Variants in SLC26A1 observed in about 807,000 individuals in gnomAD.
The protein encoded by SLC26A1 is solute carrier family 26 member 1.
SLC26A1 carries 18 observed loss-of-function variants against 14.5 expected under a neutral mutation model. The observed-to-expected ratio is 1.24, with a 90% CI of 0.86 to 1.84. The LOEUF (loss-of-function observed/expected upper bound fraction) is 1.84, where lower values mean the gene tolerates loss of function less well. SLC26A1 is among the 40% of genes most tolerant of loss of function. The pLI, the probability that SLC26A1 is intolerant of heterozygous loss-of-function variation, is 0.00. For synonymous variants in SLC26A1, 505 were observed against 492.0 expected (o/e 1.03, Z -0.35); for missense variants, 1,049 against 1,020.0 (o/e 1.03, Z -0.39).
rs375317028 is a variant in SLC26A1 at position 989,027 on chromosome 4, C to T, written c.1912G>A (p.Gly638Arg). 47 of 1,584,154 alleles carry T rather than the reference C, an allele frequency of 3.0e-5. No individual in the cohort carries two copies. The highest frequency in any genetic ancestry group is 2.1e-4 in the East Asian group (9 of 42,952). The stretch of plus-strand genomic sequence containing the variant: ...AGCAGCAGGCTGATGCCCAGGGCCC[C>T]GTAGTCTCGGCGCAGGTCCTGCAGC... ...STLQDLRRDY[G>R]ALGISLLLAC... Residue 638 changes from glycine to arginine, a missense_variant, in exon 3 of 3, where the codon GGG becomes AGG. Coordinates refer to ENST00000398516, the MANE Select transcript of SLC26A1 (RefSeq NM_022042.4).
rs73211816 is a variant in SLC26A1, at chr4:988,509, C to G, written c.*324G>C. On this transcript the variant is annotated 3_prime_UTR_variant, in exon 3 of 3. Coordinates refer to ENST00000398516, the MANE Select transcript of SLC26A1 (RefSeq NM_022042.4). ...TGGAGGCTGCATGATGGCGGGGGACCCTTGTTCAAATAAGATGTCAACCCT... is the reference window on the plus strand; with the variant it reads ...TGGAGGCTGCATGATGGCGGGGGACGCTTGTTCAAATAAGATGTCAACCCT... 8.6e-7 allele frequency: 1 copy of G among 1,165,868 alleles called. No homozygotes were observed. Among genetic ancestry groups the G allele is most frequent in the Non-Finnish European group, 1.1e-6 (1 of 943,776 alleles). The allele number at this position is 1,165,868 out of a possible 1,614,324, so 72.2% of individuals were successfully genotyped here. A position where few individuals can be genotyped will look rare whatever the true frequency, so the allele number is the denominator to read the frequency against.
In SLC26A1 at chr4:988,924, T is replaced by C. The variant is rs1713967212; in HGVS notation, c.2015A>G (p.Glu672Gly). The C allele has an allele frequency of 3.1e-6, 5 of 1,602,732 alleles. No homozygotes were observed. The East Asian group carries it at 1.1e-4, about 36-fold the overall frequency. ...FLGEGPGDTA[E>G]EEQLFLSVHD... ...CACACTGAGGAACAGCTGCTCCTCCTCAGCCGTGTCCCCGGGGCCCTCCCC... is the reference window on the plus strand; with the variant it reads ...CACACTGAGGAACAGCTGCTCCTCCCCAGCCGTGTCCCCGGGGCCCTCCCC... Residue 672 changes from glutamate to glycine, a missense_variant, in exon 3 of 3, where the codon GAG becomes GGG. Glu to Gly is a moderately conservative substitution (Grantham distance 98). Coordinates refer to ENST00000398516, the MANE Select transcript of SLC26A1 (RefSeq NM_022042.4).
At position 990,256 on chromosome 4, in the gene SLC26A1, A is replaced by C; in HGVS notation, c.683T>G (p.Leu228Arg). The change falls in exon 3 of 3, where the codon CTC becomes CGC. Residue 228 changes from leucine (L) to arginine (R), a missense_variant. Transcript: ENST00000398516. ...GASVTILTSQ[L>R]KHLLGVRIPR... ...GATCCGCACGCCCAGCAGGTGTTTG[A>C]GCTGCGAGGTCAGGATGGTCACGGA... 6.3e-7 allele frequency: 1 copy of C among 1,590,198 alleles called. No individual in the cohort carries two copies. Among genetic ancestry groups the C allele is most frequent in the Non-Finnish European group, 8.5e-7 (1 of 1,170,140 alleles).
chr4:985,519 C>T (rs1036579875), downstream of SLC26A1, among the ~76,000 whole-genome samples: 3 of 152,284 alleles, frequency 2.0e-5, no homozygotes, highest in Middle Eastern at 6.8e-3. Flanking sequence ...AGTTCTCTGA[C>T]GCTTTGAGGA....
At chr4:983,761 C>A (rs527848617), downstream of SLC26A1, among the ~76,000 whole-genome samples, 3 of 152,346 alleles carry the variant, frequency 2.0e-5, no homozygotes, top group African/African-American at 7.2e-5. Context: ...CTCTTCACTT[C>A]TTCCTCTGCA....
rs760150174 is a variant in SLC26A1, at chr4:989,109, G to A, written c.1830C>T (p.His610=). The A allele has an allele frequency of 6.9e-6, 11 of 1,605,018 alleles. No homozygotes were observed. The highest frequency in any genetic ancestry group is 8.5e-6 in the Non-Finnish European group (10 of 1,176,062). ...AALVPAAAGF[H]TVVIDCAPLL... is the part of the protein sequence containing the mutation. ...GCGGGGCGCAGTCGATGACCACTGT[G>A]TGGAAGCCGGCCGCTGCGGGCACCA... The change falls in exon 3 of 3, where the codon CAC becomes CAT. Residue 610 remains histidine, a synonymous_variant. Coordinates refer to ENST00000398516, the MANE Select transcript of SLC26A1 (RefSeq NM_022042.4).
intron 2 of SLC26A1, 194 bp downstream of exon 2, chr4:990,934 A>G: frequency 3.4e-6 from 2 of 585,496 alleles, no homozygotes; most frequent in Non-Finnish European, 5.8e-6. Flanking sequence ...CCCCTCCTGC[A>G]TCCACAGCCT....
rs772906315 is a variant in SLC26A1 at position 991,734 on chromosome 4, C to T, written c.-27-4G>A. 2.8e-5 allele frequency: 42 copies of T among 1,526,134 alleles called. 1 individual carries two copies. The highest frequency in any genetic ancestry group is 2.5e-5 in the South Asian group (2 of 81,102). 94.5% of individuals were successfully genotyped at this position (1,526,134 alleles called of 1,614,324 possible). ...TGCGTCAGGTCCCGTGGCCGACCTG[C>T]GGCCGAGAAGAGGGCATGGTCACAG... is the stretch of plus-strand genomic sequence containing the variant. On this transcript the variant is annotated splice_region_variant and splice_polypyrimidine_tract_variant and intron_variant, in intron 1 of 2. Coordinates refer to ENST00000398516, the MANE Select transcript of SLC26A1 (RefSeq NM_022042.4).
Position 990,160 on chromosome 4 carries a change from T to A in SLC26A1, c.779A>T (p.Asn260Ile). ...LSLLRGAGQA[N>I]VCDVVTSTVC... ...CGTGCTGGTGACCACGTCGCACACG[T>A]TGGCCTGCCCGGCGCCGCGCAGCAG... is the stretch of plus-strand genomic sequence containing the variant. The change falls in exon 3 of 3, where the codon AAC becomes ATC. Residue 260 changes from asparagine (N) to isoleucine (I), a missense_variant. Transcript: ENST00000398516. The A allele has an allele frequency of 6.4e-7, 1 of 1,563,682 alleles. No individual in the cohort carries two copies. Among genetic ancestry groups the A allele is most frequent in the Non-Finnish European group, 8.7e-7 (1 of 1,155,146 alleles).
Position 989,650 on chromosome 4 carries a change from A to C in SLC26A1, c.1289T>G (p.Leu430Arg). 1.3e-6 allele frequency: 2 copies of C among 1,589,282 alleles called. No individual in the cohort carries two copies. Among genetic ancestry groups the C allele is most frequent in the Non-Finnish European group, 1.7e-6 (2 of 1,169,172 alleles). Residue 430 changes from leucine (L) to arginine (R), a missense_variant, in exon 3 of 3, where the codon CTG becomes CGG. Leu to Arg is a moderately radical substitution (Grantham distance 102). Coordinates refer to ENST00000398516, the MANE Select transcript of SLC26A1 (RefSeq NM_022042.4). ...ATVVLLVLLA[L>R]APLFHDLQRS... ...CTGTAGGTCGTGGAACAGCGGTGCC[A>C]GCGCCAGCAGCACCAGCAGCACCAC...
At position 989,962 on chromosome 4, in the gene SLC26A1, C is replaced by G. The variant is rs147075631; in HGVS notation, c.977G>C (p.Gly326Ala). Residue 326 changes from glycine (G) to alanine (A), a missense_variant, in exon 3 of 3, where the codon GGT (glycine) becomes GCT (alanine). By Grantham distance (60) the Gly-to-Ala change is moderately conservative (BLOSUM62 0). Coordinates refer to ENST00000398516, the MANE Select transcript of SLC26A1 (RefSeq NM_022042.4). ...GSSVAGDIPT[G>A]FMPPQVPEPR... Reference sequence around the variant, plus strand: ...CTCTGGGACCTGAGGGGGCATGAAACCCGTGGGGATGTCGCCAGCCACGCT... The same window carrying G: ...CTCTGGGACCTGAGGGGGCATGAAAGCCGTGGGGATGTCGCCAGCCACGCT... 2 of 1,556,214 alleles carry G rather than the reference C, an allele frequency of 1.3e-6. No individual in the cohort carries two copies. Among genetic ancestry groups the G allele is most frequent in the East Asian group, 2.4e-5 (1 of 41,502 alleles).
chr4:979,795 G>C (rs1713484501), intron 2 of SLC26A1, among the ~76,000 whole-genome samples: 1 of 152,248 alleles, frequency 6.6e-6, no homozygotes, highest in Admixed American at 6.5e-5. Flanking sequence ...GCTGGCACAA[G>C]CCCTCTGCAG....
At chr4:980,059 C>T (rs531232515) in intron 2 of SLC26A1, among the ~76,000 whole-genome samples, 5 of 152,120 alleles carry the variant, frequency 3.3e-5, no homozygotes, top group African/African-American at 4.8e-5. Context: ...GGGGGCTCTG[C>T]GGGAAGGGCA....
intron 2 of SLC26A1, among the ~76,000 whole-genome samples, chr4:980,744 C>T (rs1274749056): frequency 6.6e-6 from 1 of 151,900 alleles, no homozygotes; most frequent in Non-Finnish European, 1.5e-5. Context: ...TGCAGACGGG[C>T]CATTCTAGGG....
Position 989,169 on chromosome 4 carries a change from G to C in SLC26A1, c.1770C>G (p.Gly590=), listed in dbSNP as rs765012552. The change falls in exon 3 of 3, where the codon GGC becomes GGG. Residue 590 remains glycine, a synonymous_variant. Coordinates refer to ENST00000398516, the MANE Select transcript of SLC26A1 (RefSeq NM_022042.4). ...TGGTGCTAACCGGGCCCAGGTCCTC[G>C]CCCTGGGCAGGGCCTCCCTCACCGA... ...TGVGEGGPAQ[G]EDLGPVSTRA... is the part of the protein sequence containing the mutation. The C allele has an allele frequency of 6.2e-7, 1 of 1,607,300 alleles. No individual in the cohort carries two copies. Among genetic ancestry groups the C allele is most frequent in the Non-Finnish European group, 8.5e-7 (1 of 1,176,380 alleles).
At position 981,595 on chromosome 4, in the gene SLC26A1, G is replaced by A. The variant is rs542538839; in HGVS notation, c.577-2091C>T. On this transcript the variant is annotated intron_variant, in intron 2 of 2. Transcript: ENST00000398520. ...CGAGGCTGTAGTGAGCCGTGATCGC[G>A]CCACTGCACTCCAGCCTAGGGGACA... 3.2e-3 allele frequency among the ~76,000 whole-genome samples: 490 copies of A among 152,264 alleles called. 2 individuals carry two copies. The highest frequency in any genetic ancestry group is 5.1e-3 in the Non-Finnish European group (350 of 68,008).
In SLC26A1 at chr4:991,813, T is replaced by TGGGGCGGACCCCTCGCCCACCCA. The variant is rs748558229; in HGVS notation, c.-27-106_-27-84dup. The stretch of plus-strand genomic sequence containing the variant: ...AGGTCCCCGGCAGCAACGGGCCCCT[T>TGGGGCGGACCCCTCGCCCACCCA]GGGGCGGACCCCTCGCCCACCCAGG... On this transcript the variant is annotated intron_variant, in intron 1 of 2. Transcript: ENST00000398516. The TGGGGCGGACCCCTCGCCCACCCA allele has an allele frequency of 5.9e-6, 9 of 1,532,846 alleles. No individual in the cohort carries two copies. In the South Asian group the frequency reaches 1.1e-4, roughly 18 times the overall value. The allele number at this position is 1,532,846 out of a possible 1,614,324, so 95.0% of individuals were successfully genotyped here. A position where few individuals can be genotyped will look rare whatever the true frequency, so the allele number is the denominator to read the frequency against.
exon 3 of SLC26A1, chr4:979,336 C>T (rs575058169): frequency 2.0e-5 from 18 of 913,210 alleles, no homozygotes; most frequent in South Asian, 2.8e-5. Flanking sequence ...CTGTATCCAC[C>T]GGCTTCTCGT....
At position 988,849 on chromosome 4, in the gene SLC26A1, G is replaced by A. The variant is rs757960440; in HGVS notation, c.2090C>T (p.Thr697Ile). ...ARARHRELEA[T>I]DAHL ...CTGGCCCTGCTACAGATGGGCATCG[G>A]TGGCCTCCAGCTCCCTGTGGCGGGC... Residue 697 changes from threonine to isoleucine, a missense_variant, in exon 3 of 3, where the codon ACC (threonine) becomes ATC (isoleucine). Thr to Ile is a moderately conservative substitution (Grantham distance 89). Coordinates refer to ENST00000398516, the MANE Select transcript of SLC26A1 (RefSeq NM_022042.4). 1.1e-5 allele frequency: 17 copies of A among 1,601,652 alleles called. No individual in the cohort carries two copies. The highest frequency in any genetic ancestry group is 3.4e-4 in the Middle Eastern group (2 of 5,840).
Sources: gnomAD v4.1 joint callset for allele counts (sites outside exome capture counted in the v4.1 genomes callset) on GRCh38, gnomAD v4.1.1 for gene constraint, MANE v1.5 for transcripts, NCBI Gene and HGNC (gene_info 2026-07-23, HGNC 2026-07-21) for gene names.